TRMO: variants seen among roughly 807,000 people sequenced by gnomAD.
TRMO encodes tRNA methyltransferase O, also known as tRNA (adenine(37)-N6)-methyltransferase.
In TRMO, 30 loss-of-function variants were observed where a neutral mutation model predicts 37.2. The ratio of observed to expected loss-of-function variants is 0.81; its 90% CI spans 0.60 to 1.09. The LOEUF (loss-of-function observed/expected upper bound fraction) is 1.09. Ranked by LOEUF, TRMO falls within the 50% of genes least tolerant of loss-of-function variation. The pLI is 0.00. For synonymous variants in TRMO, 239 were observed against 199.4 expected, an observed-to-expected ratio of 1.20 and a Z score of -1.67; for missense variants, 552 against 549.5, an observed-to-expected ratio of 1.00 and a Z score of -0.05.
Position 97,910,403 on chromosome 9 carries a change from T to C in TRMO, c.623A>G (p.Glu208Gly). Residue 208 changes from glutamate (E) to glycine (G), a missense_variant, in exon 4 of 5, where the codon GAG (glutamate) becomes GGG (glycine). Transcript: ENST00000375119. ...CDQRQLSGCD[E>G]PQPHHSTKRK... ...CTTAGTGCTATGGTGGGGTTGTGGC[T>C]CATCACACCCTGAGAGCTGTCGCTG... 6.2e-7 allele frequency: 1 copy of C among 1,614,214 alleles called. No individual in the cohort carries two copies. Among genetic ancestry groups the C allele is most frequent in the Non-Finnish European group, 8.5e-7 (1 of 1,180,026 alleles).
chr9:97,910,707 G>A (rs377088253), intron 3 of TRMO, 91 bp from the exon 4 acceptor site: 566 of 1,401,966 alleles, frequency 4.0e-4, no homozygotes, highest in East Asian at 6.0e-4. Context: ...GTCTGCTTAC[G>A]CCTCACTGCA....
rs1018071759 is a variant in TRMO, at chr9:97,916,829, CCCAGTAG to C, written c.77-498_77-492del. Among the ~76,000 whole-genome samples the C allele has an allele frequency of 1.6e-3, 237 of 151,452 alleles. 2 individuals are homozygous for C. Among genetic ancestry groups the C allele is most frequent in the African/African-American group, 5.5e-3 (225 of 41,258 alleles). ...CAAGCATTTCTCCTGCCTCAGCCTC[CCCAGTAG>C]CTGGGATTACAGGCGCCCACCACCA... On this transcript the variant is annotated intron_variant, in intron 1 of 4. Transcript: ENST00000375119.
chr9:97,917,866 G>A (rs1237514508), intron 1 of TRMO, among the ~76,000 whole-genome samples: 4 of 141,416 alleles, frequency 2.8e-5, no homozygotes, highest in African/African-American at 7.9e-5. Context: ...TTTTTTTGTA[G>A]AGAAGGGGTT....
the TRMO span, among the ~76,000 whole-genome samples, chr9:97,898,753 AC>A: frequency 1.3e-5 from 2 of 149,892 alleles, no homozygotes; most frequent in Admixed American, 6.7e-5. Flanking sequence ...AAAACTTATG[AC>A]TTGCCCCTTC....
chr9:97,910,258 C>T lies in TRMO; in HGVS notation c.768G>A (p.Leu256=), dbSNP rs376794753. 92 of 1,614,108 alleles carry T rather than the reference C, an allele frequency of 5.7e-5. No homozygotes were observed. The highest frequency in any genetic ancestry group is 7.5e-5 in the Non-Finnish European group (89 of 1,180,046). The change falls in exon 4 of 5, where the codon TTG becomes TTA. Residue 256 remains leucine, a synonymous_variant. Coordinates refer to ENST00000375119, the MANE Select transcript of TRMO (RefSeq NM_016481.5). ...TGGAACTCTGATCACGTCTTGATTC[C>T]AAACCAAAATCCACTGCTATCTCCC... The part of the protein sequence containing the change: ...MHREIAVDFG[L]ESRRDQSSSV...
chr9:97,918,541 T>G (rs1826476475), intron 1 of TRMO, among the ~76,000 whole-genome samples: 1 of 152,202 alleles, frequency 6.6e-6, no homozygotes, highest in Non-Finnish European at 1.5e-5. Flanking sequence ...CATGACAGCG[T>G]TATCAATTTC....
chr9:97,907,387 C>G (rs1825901164), intron 4 of TRMO, among the ~76,000 whole-genome samples: 1 of 152,212 alleles, frequency 6.6e-6, no homozygotes, highest in Non-Finnish European at 1.5e-5. Context: ...TATCTCCAGT[C>G]CCAACTTTTA....
chr9:97,920,202 C>T (rs1000385039), intron 1 of TRMO, among the ~76,000 whole-genome samples: 7 of 152,190 alleles, frequency 4.6e-5, no homozygotes, highest in African/African-American at 1.7e-4. Flanking sequence ...AACCAGTTCT[C>T]GTCCTCAAGG....
chr9:97,911,124 G>A, intron 3 of TRMO: 1 of 288,852 alleles, frequency 3.5e-6, no homozygotes, highest in South Asian at 2.8e-5. Flanking sequence ...AAGTGGCCCT[G>A]TGACCCGCAC....
chr9:97,897,117 T>C, the TRMO span, among the ~76,000 whole-genome samples: 1 of 152,242 alleles, frequency 6.6e-6, no homozygotes, highest in African/African-American at 2.4e-5. Flanking sequence ...TAATACATAC[T>C]TGCCATTTAT....
In TRMO at chr9:97,916,013, C is replaced by T. The variant is rs1027152993; in HGVS notation, c.251+151G>A. 9 of 540,020 alleles carry T rather than the reference C, an allele frequency of 1.7e-5. No individual in the cohort carries two copies. The African/African-American group carries it at 1.8e-4, about 11-fold the overall frequency. 33.5% of individuals were successfully genotyped at this position (540,020 alleles called of 1,614,324 possible). The stretch of plus-strand genomic sequence containing the variant: ...CTGCTATTGCACCACTGTACTCCAA[C>T]CTGGGTGACAGAGACCCTGACTCAA... On this transcript the variant is annotated intron_variant, in intron 2 of 4. Transcript: ENST00000375119.
At position 97,910,007 on chromosome 9, in the gene TRMO, C is replaced by T. The variant is rs371444295; in HGVS notation, c.1019G>A (p.Arg340Gln). 2.1e-5 allele frequency: 34 copies of T among 1,588,188 alleles called. No individual in the cohort carries two copies. Among genetic ancestry groups the T allele is most frequent in the African/African-American group, 4.1e-5 (3 of 73,864 alleles). The change falls in exon 4 of 5, where the codon CGG (arginine) becomes CAG (glutamine). Residue 340 changes from arginine (R) to glutamine (Q), a missense_variant. Physicochemically the swap from Arg to Gln is conservative, Grantham distance 43. Transcript: ENST00000375119. ...TEAPVATLEVRFTPHAEMDLG... is the reference protein window; with the variant it reads ...TEAPVATLEVQFTPHAEMDLG... ...GTCCATCTCGGCATGAGGAGTAAAC[C>T]GCACTTCTAAAGTGGCCACAGGAGC...
chr9:97,907,933 G>A (rs1304331568), intron 4 of TRMO, among the ~76,000 whole-genome samples: 1 of 152,032 alleles, frequency 6.6e-6, no homozygotes, highest in African/African-American at 2.4e-5. Flanking sequence ...TCACCTCTTT[G>A]ACCTTTGCTC....
downstream of TRMO, among the ~76,000 whole-genome samples, chr9:97,902,274 A>G (rs1250100032): frequency 6.6e-6 from 1 of 152,214 alleles, no homozygotes; most frequent in African/African-American, 2.4e-5. Flanking sequence ...AAACTGAGCC[A>G]GATTATATTT....
chr9:97,910,464 C>T lies in TRMO; in HGVS notation c.562G>A (p.Val188Met). 11 of 1,614,112 alleles carry T rather than the reference C, an allele frequency of 6.8e-6. No homozygotes were observed. Among genetic ancestry groups the T allele is most frequent in the South Asian group, 2.2e-5 (2 of 91,088 alleles). ...TCAGTCTTGCTGTCAGACTGGGACA[C>T]AGTGTTTGGTGTATGTTGGTTATTC... is the stretch of plus-strand genomic sequence containing the variant. ...LQNNQHTPNTVSQSDSKTDSC... is the reference protein window; with the variant it reads ...LQNNQHTPNTMSQSDSKTDSC... Residue 188 changes from valine (V) to methionine (M), a missense_variant, in exon 4 of 5, where the codon GTG (valine) becomes ATG (methionine). Physicochemically the swap from Val to Met is conservative, Grantham distance 21 (BLOSUM62 1). Coordinates refer to ENST00000375119, the MANE Select transcript of TRMO (RefSeq NM_016481.5).
intron 3 of TRMO, chr9:97,911,535 C>T (rs950829710): frequency 5.3e-5 from 8 of 152,276 alleles, no homozygotes; most frequent in African/African-American, 1.9e-4. Flanking sequence ...TCTAGTGAGA[C>T]CTAAGCAGAT....
At chr9:97,921,966 A>G (rs1365638445) in intron 1 of TRMO, among the ~76,000 whole-genome samples, 2 of 152,188 alleles carry the variant, frequency 1.3e-5, no homozygotes, top group African/African-American at 4.8e-5. Context: ...GTAAAGAGAA[A>G]CAAATTCATG....
chr9:97,904,666 G>A lies in TRMO; in HGVS notation c.*67C>T, dbSNP rs1825779529. ...TTGCTTCTCGACACAACATTAGCTTGTTCAGAAAATCCAAAAGCCACATCC... is the reference window on the plus strand; with the variant it reads ...TTGCTTCTCGACACAACATTAGCTTATTCAGAAAATCCAAAAGCCACATCC... On this transcript the variant is annotated 3_prime_UTR_variant, in exon 5 of 5. Transcript: ENST00000375119. 1.1e-5 allele frequency: 17 copies of A among 1,587,084 alleles called. No individual in the cohort carries two copies. In the East Asian group the frequency reaches 3.6e-4, roughly 34 times the overall value.
chr9:97,905,074 T>C (rs1825801818), intron 4 of TRMO, 82 bp from the exon 5 acceptor site: 2 of 1,476,334 alleles, frequency 1.4e-6, no homozygotes, highest in Middle Eastern at 1.7e-4. Flanking sequence ...TGGAATCTGG[T>C]TGGTTCCTTA....
Sources: gnomAD v4.1 joint callset for allele counts (sites outside exome capture counted in the v4.1 genomes callset) on GRCh38, gnomAD v4.1.1 for gene constraint, MANE v1.5 for transcripts, NCBI Gene and HGNC (gene_info 2026-07-23, HGNC 2026-07-21) for gene names.